Variants in CSNK2A2IP observed in about 807,000 individuals in gnomAD.
CSNK2A2IP encodes casein kinase 2 subunit alpha' interacting protein.
the CSNK2A2IP span, among the ~76,000 whole-genome samples, chr3:88,389,847 G>A: frequency 6.6e-6 from 1 of 151,428 alleles, no homozygotes; most frequent in Admixed American, 6.6e-5. Context: ...TTTTTAATTG[G>A]GGAGGCATTT....
the CSNK2A2IP span, among the ~76,000 whole-genome samples, chr3:88,418,467 C>T: frequency 1.6e-4 from 14 of 88,840 alleles, no homozygotes; most frequent in African/African-American, 3.7e-4. Context: ...TGTGTGTGCG[C>T]GCGGGCGTGT....
the CSNK2A2IP span, among the ~76,000 whole-genome samples, chr3:88,396,254 C>T: frequency 5.3e-5 from 8 of 151,366 alleles, no homozygotes; most frequent in Admixed American, 1.3e-4. Context: ...TACAGGCGCC[C>T]GCCACCTCGC....
chr3:88,441,524 C>G, the CSNK2A2IP span, among the ~76,000 whole-genome samples: 1 of 152,080 alleles, frequency 6.6e-6, no homozygotes, highest in East Asian at 1.9e-4. Context: ...GCGTTAAATA[C>G]TTAAATGTAG....
At chr3:88,458,183 C>T in the CSNK2A2IP span, among the ~76,000 whole-genome samples, 1,978 of 111,498 alleles carry the variant, frequency 0.018, 18 homozygotes, top group Non-Finnish European at 0.022. Context: ...CGGAGTCTTG[C>T]TCTGTCACCC....
At chr3:88,360,148 T>G in the CSNK2A2IP span, among the ~76,000 whole-genome samples, 5 of 151,818 alleles carry the variant, frequency 3.3e-5, no homozygotes, top group Non-Finnish European at 5.9e-5. Flanking sequence ...TCTTTTTTTT[T>G]TTTTTGAGAT....
chr3:88,453,096 A>G, the CSNK2A2IP span, among the ~76,000 whole-genome samples: 686 of 152,258 alleles, frequency 4.5e-3, 18 homozygotes, highest in Non-Finnish European at 2.3e-3. Context: ...TCAAGCTACA[A>G]GATAAGCCTC....
At chr3:88,428,385 T>C in the CSNK2A2IP span, among the ~76,000 whole-genome samples, 1 of 152,098 alleles carries the variant, frequency 6.6e-6, no homozygotes, top group African/African-American at 2.4e-5. Flanking sequence ...GTTAGGACTT[T>C]GGGGAACTGT....
chr3:88,414,753 T>A, the CSNK2A2IP span, among the ~76,000 whole-genome samples: 1 of 151,892 alleles, frequency 6.6e-6, no homozygotes, highest in Non-Finnish European at 1.5e-5. Context: ...TTAAATGAGA[T>A]GATGAATGCA....
At chr3:88,361,450 C>T in the CSNK2A2IP span, among the ~76,000 whole-genome samples, 3 of 152,064 alleles carry the variant, frequency 2.0e-5, no homozygotes, top group African/African-American at 7.2e-5. Flanking sequence ...TTACTTCTGG[C>T]CTGTAGGTTT....
chr3:88,387,282 C>A, the CSNK2A2IP span, among the ~76,000 whole-genome samples: 1 of 151,934 alleles, frequency 6.6e-6, no homozygotes, highest in African/African-American at 2.4e-5. Flanking sequence ...CTGCCTCAGC[C>A]CCCCGAGTAG....
At chr3:88,363,692 T>A in the CSNK2A2IP span, among the ~76,000 whole-genome samples, 1 of 152,214 alleles carries the variant, frequency 6.6e-6, no homozygotes. Context: ...AGGATGCAGT[T>A]AAGTTACTTG....
At chr3:88,403,634 C>A in the CSNK2A2IP span, among the ~76,000 whole-genome samples, 1 of 152,062 alleles carries the variant, frequency 6.6e-6, no homozygotes, top group Non-Finnish European at 1.5e-5. Flanking sequence ...TTATTTGCAG[C>A]ACTGTGATCA....
At chr3:88,396,338 C>T in the CSNK2A2IP span, among the ~76,000 whole-genome samples, 257 of 152,082 alleles carry the variant, frequency 1.7e-3, no homozygotes, top group African/African-American at 5.9e-3. Context: ...ATCTCCTGAC[C>T]TCGTGATCCG....
At chr3:88,406,515 G>A in the CSNK2A2IP span, among the ~76,000 whole-genome samples, 1 of 152,100 alleles carries the variant, frequency 6.6e-6, no homozygotes, top group African/African-American at 2.4e-5. Context: ...CTAAAGCGGG[G>A]GAAGAAACAC....
At chr3:88,373,285 A>T in the CSNK2A2IP span, among the ~76,000 whole-genome samples, 6 of 151,456 alleles carry the variant, frequency 4.0e-5, no homozygotes, top group African/African-American at 1.5e-4. Context: ...AAAGTATATT[A>T]TCTGACCACA....
At chr3:88,383,097 A>T in the CSNK2A2IP span, among the ~76,000 whole-genome samples, 1 of 149,962 alleles carries the variant, frequency 6.7e-6, no homozygotes, top group African/African-American at 2.5e-5. Flanking sequence ...CCCTCTACTT[A>T]TTTTTTTTTG....
chr3:88,425,149 A>G, the CSNK2A2IP span, among the ~76,000 whole-genome samples: 1 of 152,070 alleles, frequency 6.6e-6, no homozygotes, highest in African/African-American at 2.4e-5. Flanking sequence ...AATTGTATAT[A>G]ACACAATCAT....
chr3:88,369,265 C>T, the CSNK2A2IP span, among the ~76,000 whole-genome samples: 1 of 151,802 alleles, frequency 6.6e-6, no homozygotes, highest in African/African-American at 2.4e-5. Flanking sequence ...AGGATATTGA[C>T]TTTGTATTCT....
chr3:88,447,811 C>T, the CSNK2A2IP span, among the ~76,000 whole-genome samples: 1 of 151,902 alleles, frequency 6.6e-6, no homozygotes, highest in East Asian at 1.9e-4. Flanking sequence ...AATTATGAAT[C>T]CCCCAGGTGG....
Sources: allele counts gnomAD v4.1 joint callset (sites outside exome capture counted in the v4.1 genomes callset), GRCh38; gene constraint gnomAD v4.1.1; transcripts MANE v1.5; gene names NCBI Gene and HGNC (gene_info 2026-07-23, HGNC 2026-07-21).